Variants in CFHR5 observed in about 807,000 individuals in gnomAD.
CFHR5 encodes complement factor H-related protein 5.
CFHR5 carries 73 observed loss-of-function variants against 62.9 expected under a neutral mutation model. The ratio of observed to expected loss-of-function variants is 1.16; its 90% confidence interval spans 0.96 to 1.41. CFHR5 has a LOEUF of 1.41. Among genes scored for constraint, CFHR5 ranks in the 40% most tolerant of loss-of-function variants. CFHR5 has a pLI of 0.00. For missense variants in CFHR5, 779 were observed against 679.9 expected, an observed-to-expected ratio of 1.15 and a Z score of -1.62; for synonymous variants, 249 against 227.2, an observed-to-expected ratio of 1.10 and a Z score of -0.86.
chr1:196,999,504 C>G (rs1266131100), intron 7 of CFHR5, among the ~76,000 whole-genome samples: 1 of 151,136 alleles, frequency 6.6e-6, no homozygotes, highest in Non-Finnish European at 1.5e-5. Context: ...CACTTCCTTA[C>G]CTTTCATTTT....
chr1:196,998,697 G>T (rs1224502698), intron 7 of CFHR5, among the ~76,000 whole-genome samples: 1 of 151,968 alleles, frequency 6.6e-6, no homozygotes, highest in Non-Finnish European at 1.5e-5. Flanking sequence ...GTAAAAAGTA[G>T]GCTGAGAAAG....
At chr1:197,002,133 C>T (rs1446254839) in intron 7 of CFHR5, among the ~76,000 whole-genome samples, 4 of 151,702 alleles carry the variant, frequency 2.6e-5, no homozygotes, top group African/African-American at 9.7e-5. Flanking sequence ...ATTCAATGTA[C>T]ATAACTTTTT....
At chr1:196,982,476 A>T (rs982150820) in intron 1 of CFHR5, among the ~76,000 whole-genome samples, 2 of 152,182 alleles carry the variant, frequency 1.3e-5, no homozygotes, top group Non-Finnish European at 2.9e-5. Flanking sequence ...GTTTGACACC[A>T]GTCTGGCCAA....
chr1:197,007,877 A>G (rs1654331958), intron 9 of CFHR5, among the ~76,000 whole-genome samples: 1 of 147,478 alleles, frequency 6.8e-6, no homozygotes, highest in Admixed American at 6.8e-5. Flanking sequence ...ATTACATTAG[A>G]TATAAATTGT....
intron 3 of CFHR5, among the ~76,000 whole-genome samples, chr1:196,985,386 T>C (rs1653656018): frequency 6.6e-6 from 1 of 152,004 alleles, no homozygotes; most frequent in African/African-American, 2.4e-5. Flanking sequence ...TTTAAACCTC[T>C]AGAAATGGAG....
chr1:197,001,226 A>G (rs1255499816), intron 7 of CFHR5, among the ~76,000 whole-genome samples: 3 of 152,160 alleles, frequency 2.0e-5, no homozygotes, highest in Admixed American at 1.3e-4. Flanking sequence ...CCAGTCCCAG[A>G]TATCTATCTA....
chr1:196,975,042 A>G (rs1461997989), upstream of CFHR5, among the ~76,000 whole-genome samples: 1 of 152,206 alleles, frequency 6.6e-6, no homozygotes, highest in Non-Finnish European at 1.5e-5. Flanking sequence ...CCAACAAAAG[A>G]CTGAGATGGT....
At chr1:197,005,799 C>T (rs925672732) in intron 9 of CFHR5, among the ~76,000 whole-genome samples, 19 of 151,972 alleles carry the variant, frequency 1.3e-4, no homozygotes, top group African/African-American at 2.4e-4. Context: ...ATCCTTCTGA[C>T]GATGTCTCTT....
intron 3 of CFHR5, among the ~76,000 whole-genome samples, chr1:196,993,339 G>T (rs1653897455): frequency 6.6e-6 from 1 of 152,108 alleles, no homozygotes; most frequent in Non-Finnish European, 1.5e-5. Flanking sequence ...CTGTCACCCA[G>T]GCTGGAGTGT....
At chr1:197,004,311 A>G (rs569146374) in intron 8 of CFHR5, among the ~76,000 whole-genome samples, 9 of 152,310 alleles carry the variant, frequency 5.9e-5, no homozygotes, top group East Asian at 3.9e-4. Flanking sequence ...TGCTATTTGC[A>G]TAAAGTAATA....
chr1:196,983,990 G>C lies in CFHR5; in HGVS notation c.283G>C (p.Gly95Arg). 1 of 1,611,002 alleles carries C rather than the reference G, an allele frequency of 6.2e-7. No individual in the cohort carries two copies. The highest frequency in any genetic ancestry group is 8.5e-7 in the Non-Finnish European group (1 of 1,178,064). ...RMCSFPFVKN[G>R]HSESSGLIHL... ...GTGTTCCTTTCCTTTTGTGAAAAAT[G>C]GTCATTCTGAATCTTCAGGACTAAT... is the stretch of plus-strand genomic sequence containing the variant. Residue 95 changes from glycine (G) to arginine (R), a missense_variant, in exon 3 of 10, where the codon GGT becomes CGT. Transcript: ENST00000256785.
At chr1:196,981,684 CTT>C (rs986671508) in intron 1 of CFHR5, among the ~76,000 whole-genome samples, 2 of 151,872 alleles carry the variant, frequency 1.3e-5, no homozygotes, top group African/African-American at 4.8e-5. Flanking sequence ...TTCCAGGACT[CTT>C]TTCACCCCCA....
At chr1:196,995,471 A>G (rs1436370849) in intron 4 of CFHR5, among the ~76,000 whole-genome samples, 1 of 152,176 alleles carries the variant, frequency 6.6e-6, no homozygotes, top group African/African-American at 2.4e-5. Flanking sequence ...CTAGGTAATC[A>G]GTTTATAAGT....
At chr1:197,006,502 G>A (rs1320643852) in intron 9 of CFHR5, among the ~76,000 whole-genome samples, 2 of 151,860 alleles carry the variant, frequency 1.3e-5, no homozygotes, top group African/African-American at 2.4e-5. Context: ...ACCTGAGGTC[G>A]GGAGTTCGAG....
intron 3 of CFHR5, among the ~76,000 whole-genome samples, chr1:196,989,059 T>C (rs1047122611): frequency 5.3e-5 from 8 of 152,148 alleles, no homozygotes; most frequent in Admixed American, 5.2e-4. Context: ...CTGTTATTGG[T>C]CTATTCAGAG....
intron 9 of CFHR5, among the ~76,000 whole-genome samples, chr1:197,008,024 T>A (rs1361065289): frequency 6.7e-6 from 1 of 148,292 alleles, no homozygotes; most frequent in Non-Finnish European, 1.5e-5. Flanking sequence ...TATAAAGTGC[T>A]GATTTTAAGA....
At chr1:196,990,021 C>T (rs1482168614) in intron 3 of CFHR5, among the ~76,000 whole-genome samples, 2 of 152,106 alleles carry the variant, frequency 1.3e-5, no homozygotes, top group Non-Finnish European at 2.9e-5. Context: ...CTTCGTAGGT[C>T]TCTAAGGACT....
At position 196,980,761 on chromosome 1, in the gene CFHR5, G is replaced by A. The variant is rs182981738; in HGVS notation, c.59-2124G>A. Among the ~76,000 whole-genome samples, 305 of 152,144 alleles carry A rather than the reference G, an allele frequency of 2.0e-3. 3 individuals are homozygous for A. The highest frequency in any genetic ancestry group is 6.8e-3 in the East Asian group (35 of 5,178). On this transcript the variant is annotated intron_variant, in intron 1 of 9. Transcript: ENST00000256785. ...ACGATAACACTCCTAGCACCATTGC[G>A]GATGTGCACAATGGTTATACGATGA...
intron 1 of CFHR5, among the ~76,000 whole-genome samples, chr1:196,982,230 A>G (rs1046565436): frequency 2.0e-5 from 3 of 152,128 alleles, no homozygotes; most frequent in Non-Finnish European, 4.4e-5. Flanking sequence ...TCACTCCTCT[A>G]CTGTACACTA....
Sources: allele counts gnomAD v4.1 joint callset (sites outside exome capture counted in the v4.1 genomes callset), GRCh38; gene constraint gnomAD v4.1.1; transcripts MANE v1.5; gene names NCBI Gene and HGNC (gene_info 2026-07-23, HGNC 2026-07-21).